RXRA: variants seen among roughly 807,000 people sequenced by gnomAD.
The protein encoded by RXRA is retinoic acid receptor RXR-alpha.
A neutral mutation model predicts 44.5 loss-of-function variants in RXRA; 5 were observed. The ratio of observed to expected loss-of-function variants is 0.11; its 90% CI spans 0.06 to 0.24. RXRA has a LOEUF of 0.24. RXRA is among the 10% of genes least tolerant of loss of function. RXRA has a pLI of 1.00. For synonymous variants in RXRA, 291 were observed against 271.4 expected (o/e 1.07, Z -0.71); for missense variants, 412 against 646.5 (o/e 0.64, Z 3.93).
At chr9:134,332,484 G>A (rs62576295) in intron 1 of RXRA, among the ~76,000 whole-genome samples, 57,951 of 151,348 alleles carry the variant, frequency 0.38, 12,546 homozygotes, top group African/African-American at 0.59. Flanking sequence ...CTTAGGGAGC[G>A]CCCGCTGGGT....
intron 3 of RXRA, 29 bp from the exon 4 acceptor site, chr9:134,408,911 C>T (rs772117508): frequency 6.8e-7 from 1 of 1,463,728 alleles, no homozygotes; most frequent in East Asian, 2.7e-5. Context: ...GGTGGGTGCT[C>T]CCCAGCCCTG....
chr9:134,337,965 A>C (rs1032248375), intron 1 of RXRA, among the ~76,000 whole-genome samples: 11 of 152,142 alleles, frequency 7.2e-5, no homozygotes, highest in African/African-American at 2.7e-4. Context: ...CTGCGCCCCC[A>C]GTGCTCACGG....
At chr9:134,425,814 G>T (rs1831425101) in intron 6 of RXRA, 1 of 984,970 alleles carries the variant, frequency 1.0e-6, no homozygotes, top group South Asian at 4.7e-5. Flanking sequence ...CCGTGACTCT[G>T]GGGGGGCCCT....
chr9:134,378,368 G>C (rs1246950563), intron 1 of RXRA, among the ~76,000 whole-genome samples: 1 of 38,164 alleles, frequency 2.6e-5, no homozygotes, highest in Non-Finnish European at 8.5e-5. Context: ...CCTGTGTGCG[G>C]GGTCCTTACC....
Position 134,417,033 on chromosome 9 carries a change from C to T in RXRA, c.611-125C>T, listed in dbSNP as rs931598905. On this transcript the variant is annotated intron_variant, in intron 4 of 9. Transcript: ENST00000481739. This position sits in a 1 kb window ranked among gnomAD's most constrained non-coding sequence, Gnocchi z 6.1. ...GAGATGGGGTCTCCATCACCCAGTG[C>T]TGGTGGGGATGCTGGTGTTGTGGGT... 7.0e-6 allele frequency: 7 copies of T among 1,001,412 alleles called. No individual in the cohort carries two copies. Among genetic ancestry groups the T allele is most frequent in the Non-Finnish European group, 8.8e-6 (6 of 682,434 alleles). 62.0% of individuals were successfully genotyped at this position (1,001,412 alleles called of 1,614,324 possible).
intron 1 of RXRA, among the ~76,000 whole-genome samples, chr9:134,385,236 A>G (rs1830702038): frequency 6.6e-6 from 1 of 151,978 alleles, no homozygotes; most frequent in Admixed American, 6.6e-5. Context: ...GCACGTCCAC[A>G]CCCCCACACT....
intron 1 of RXRA, among the ~76,000 whole-genome samples, chr9:134,363,325 G>A (rs1015668199): frequency 1.3e-5 from 2 of 152,242 alleles, no homozygotes; most frequent in African/African-American, 4.8e-5. Flanking sequence ...CCCTCACTCA[G>A]GGAGCCTGGC....
At chr9:134,348,529 G>C (rs962889080) in intron 1 of RXRA, among the ~76,000 whole-genome samples, 1 of 152,302 alleles carries the variant, frequency 6.6e-6, no homozygotes, top group Non-Finnish European at 1.5e-5. Flanking sequence ...GGCCAGTCAC[G>C]GGCAGAATGT....
chr9:134,355,119 C>T (rs1363240306), intron 1 of RXRA, among the ~76,000 whole-genome samples: 2 of 152,234 alleles, frequency 1.3e-5, no homozygotes, highest in African/African-American at 2.4e-5. Flanking sequence ...TTTTGGGGTT[C>T]AAGGTGGGGC....
chr9:134,370,148 C>T (rs143434269), intron 1 of RXRA, among the ~76,000 whole-genome samples: 268 of 152,296 alleles, frequency 1.8e-3, no homozygotes, highest in African/African-American at 5.7e-3. Context: ...TGTCCCGGGT[C>T]GGAAGGATGA....
At chr9:134,373,367 T>C (rs1236216959) in intron 1 of RXRA, among the ~76,000 whole-genome samples, 2 of 152,154 alleles carry the variant, frequency 1.3e-5, no homozygotes, top group Admixed American at 1.3e-4. Flanking sequence ...TTAACAGCTC[T>C]GTGCCTGCTG....
chr9:134,386,802 T>C (rs1830727212), intron 1 of RXRA, among the ~76,000 whole-genome samples: 1 of 152,174 alleles, frequency 6.6e-6, no homozygotes, highest in Non-Finnish European at 1.5e-5. Flanking sequence ...AGACCTGGGC[T>C]CTGGGCTCTG....
rs35538565 is a variant in RXRA at position 134,432,069 on chromosome 9, C to T, written c.1135+73C>T. 535 of 1,198,828 alleles carry T rather than the reference C, an allele frequency of 4.5e-4. 2 individuals are homozygous for T. The African/African-American group carries it at 6.9e-3, about 15-fold the overall frequency. The allele number at this position is 1,198,828 out of a possible 1,614,324, so 74.3% of individuals were successfully genotyped here. A position where few individuals can be genotyped will look rare whatever the true frequency, so the allele number is the denominator to read the frequency against. On this transcript the variant is annotated intron_variant, in intron 8 of 9. Coordinates refer to ENST00000481739, the MANE Select transcript of RXRA (RefSeq NM_002957.6). ...CAGAGGTGCCTGGGCCTCCTCCTGG[C>T]TGTACTTCTTGCCTCTGGCTACATG...
chr9:134,349,067 T>C lies in RXRA; in HGVS notation c.28+22408T>C, dbSNP rs1830189294. Among the ~76,000 whole-genome samples, 2 of 152,126 alleles carry C rather than the reference T, an allele frequency of 1.3e-5. No individual in the cohort carries two copies. The highest frequency in any genetic ancestry group is 4.8e-5 in the African/African-American group (2 of 41,416). On this transcript the variant is annotated intron_variant, in intron 1 of 9. Transcript: ENST00000481739. The surrounding 1 kb of genome is among the most constrained non-coding windows in gnomAD (Gnocchi z 4.3). ...CCCCGCTGAGAAGGCTGGTGATGCA[T>C]GGTGGGTACGCTGCTTCCCGGGAGG...
intron 1 of RXRA, among the ~76,000 whole-genome samples, chr9:134,400,788 C>T (rs996398809): frequency 1.2e-4 from 19 of 152,156 alleles, no homozygotes; most frequent in Non-Finnish European, 2.4e-4. Flanking sequence ...ATGGGCTGCC[C>T]TCTTGTTCCT....
At chr9:134,328,049 G>T (rs1481680613) in intron 1 of RXRA, among the ~76,000 whole-genome samples, 1 of 152,178 alleles carries the variant, frequency 6.6e-6, no homozygotes, top group African/African-American at 2.4e-5. Flanking sequence ...CCAGCTCGTG[G>T]TACTGCTGAG....
intron 6 of RXRA, chr9:134,424,243 AG>A: frequency 1.0e-6 from 1 of 985,398 alleles, no homozygotes; most frequent in Non-Finnish European, 1.2e-6. Context: ...CCCTTCCCTT[AG>A]CCCAGAGCCC....
intron 1 of RXRA, among the ~76,000 whole-genome samples, chr9:134,363,873 A>G (rs966774909): frequency 6.6e-6 from 1 of 152,116 alleles, no homozygotes; most frequent in Non-Finnish European, 1.5e-5. Flanking sequence ...ACATGTCACC[A>G]TCTCCCCCGG....
intron 1 of RXRA, among the ~76,000 whole-genome samples, chr9:134,388,387 G>A (rs747725383): frequency 3.9e-5 from 6 of 152,128 alleles, no homozygotes; most frequent in African/African-American, 1.4e-4. Flanking sequence ...CTCCTGAAGC[G>A]CACTTACTGT....
Sources: gnomAD v4.1 joint callset for allele counts (sites outside exome capture counted in the v4.1 genomes callset) on GRCh38, gnomAD v4.1.1 for gene constraint, Gnocchi (gnomAD v3.1) non-coding constraint, MANE v1.5 for transcripts, NCBI Gene and HGNC (gene_info 2026-07-23, HGNC 2026-07-21) for gene names.